The following NXN variants were observed in gnomAD, a reference collection of about 807,000 sequenced individuals.
The protein encoded by NXN is nucleoredoxin 1.
NXN carries 16 observed loss-of-function variants against 48.6 expected under a neutral mutation model. That is an observed-to-expected ratio of 0.33 (90% confidence interval 0.22 to 0.50). The LOEUF is 0.50. NXN is among the 20% of genes least tolerant of loss of function. The probability of loss-of-function intolerance (pLI) is 0.98; values close to 1 mark genes in which losing one functional copy is unlikely to be tolerated. For synonymous variants in NXN, 281 were observed against 269.6 expected (o/e 1.04, Z -0.41); for missense variants, 492 against 605.5 (o/e 0.81, Z 1.97).
At chr17:911,211 C>T (rs2068632460) in intron 1 of NXN, 2 of 151,970 alleles carry the variant, frequency 1.3e-5, no homozygotes, top group South Asian at 4.1e-4. Flanking sequence ...TCATGCCCTG[C>T]CCCTGCTTGG....
chr17:819,707 C>A (rs186408559), intron 4 of NXN, among the ~76,000 whole-genome samples, 162 bp from the exon 5 acceptor site: 8 of 152,280 alleles, frequency 5.3e-5, no homozygotes, highest in African/African-American at 1.7e-4. Context: ...TTATTCTACC[C>A]CGGCTGGTGT....
intron 5 of NXN, among the ~76,000 whole-genome samples, chr17:818,648 G>A (rs1486310331): frequency 6.6e-6 from 1 of 152,182 alleles, no homozygotes; most frequent in Non-Finnish European, 1.5e-5. Flanking sequence ...CACTTTGGGA[G>A]GTCGAGGCGG....
intron 1 of NXN, among the ~76,000 whole-genome samples, chr17:934,068 T>C (rs2068880323): frequency 6.6e-6 from 1 of 152,196 alleles, no homozygotes; most frequent in Non-Finnish European, 1.5e-5. Context: ...ACTTTATGAT[T>C]ATAAAAGTCA....
At chr17:819,573 G>A (rs763786368) in intron 4 of NXN, 28 bp from the exon 5 acceptor site, 6 of 1,498,948 alleles carry the variant, frequency 4.0e-6, no homozygotes, top group Non-Finnish European at 5.5e-6. Flanking sequence ...TGGCGGGCAA[G>A]GCTCAGTATC....
chr17:801,628 G>A lies in NXN; in HGVS notation c.1126-497C>T, dbSNP rs148991235. 3.1e-3 allele frequency among the ~76,000 whole-genome samples: 473 copies of A among 152,062 alleles called. 3 individuals carry two copies. Among genetic ancestry groups the A allele is most frequent in the African/African-American group, 0.011 (446 of 41,492 alleles). On this transcript the variant is annotated intron_variant, in intron 7 of 7. Coordinates refer to ENST00000336868, the MANE Select transcript of NXN (RefSeq NM_022463.5). ...CGGCTAATTTTTTACATTTTTAGTA[G>A]AGACGGGGTTTCACCATGTTGGTCA...
At chr17:807,134 C>T (rs369326795) in intron 5 of NXN, among the ~76,000 whole-genome samples, 9 of 152,296 alleles carry the variant, frequency 5.9e-5, no homozygotes, top group East Asian at 1.9e-4. Context: ...CCATGAGGCT[C>T]GGGGGCTGGT....
intron 1 of NXN, among the ~76,000 whole-genome samples, chr17:890,534 C>T (rs2068404889): frequency 7.1e-6 from 1 of 140,632 alleles, no homozygotes; most frequent in African/African-American, 2.7e-5. Context: ...ACCAGCACGC[C>T]CGGCTAATTT....
chr17:865,840 G>A (rs1365755368), intron 1 of NXN, among the ~76,000 whole-genome samples: 4 of 151,898 alleles, frequency 2.6e-5, no homozygotes, highest in South Asian at 2.1e-4. Flanking sequence ...AAAATTAGCC[G>A]AGCGTGGTAG....
chr17:952,907 G>A (rs1382609055), intron 1 of NXN, among the ~76,000 whole-genome samples: 1 of 152,130 alleles, frequency 6.6e-6, no homozygotes, highest in South Asian at 2.1e-4. Flanking sequence ...GAGGAATGAC[G>A]GCCAGCAGAG....
chr17:863,772 T>C, intron 1 of NXN: 2 of 626,796 alleles, frequency 3.2e-6, no homozygotes, highest in Non-Finnish European at 5.6e-6. Context: ...TGACACTGTA[T>C]TTTTGATTCA....
At chr17:809,186 G>A (rs922500040) in intron 5 of NXN, among the ~76,000 whole-genome samples, 8 of 152,154 alleles carry the variant, frequency 5.3e-5, no homozygotes, top group Admixed American at 1.3e-4. Context: ...TGGGGTTGGC[G>A]TGCTTTTGCT....
At position 895,691 on chromosome 17, in the gene NXN, A is replaced by G. The variant is rs187513997; in HGVS notation, c.361-69613T>C. Among the ~76,000 whole-genome samples the G allele has an allele frequency of 8.5e-3, 1,270 of 150,046 alleles. 7 individuals are homozygous for G. The highest frequency in any genetic ancestry group is 0.011 in the Non-Finnish European group (733 of 67,688). On this transcript the variant is annotated intron_variant, in intron 1 of 7. Coordinates refer to ENST00000336868, the MANE Select transcript of NXN (RefSeq NM_022463.5). ...AAATTAGCCAGGCGTGGTGGTGGGCACCTGTAGTCCCAGCTACTCGGGAGG... is the reference window on the plus strand; with the variant it reads ...AAATTAGCCAGGCGTGGTGGTGGGCGCCTGTAGTCCCAGCTACTCGGGAGG...
intron 6 of NXN, among the ~76,000 whole-genome samples, chr17:804,431 A>C (rs533482115): frequency 9.9e-5 from 15 of 152,120 alleles, no homozygotes; most frequent in African/African-American, 3.1e-4. Context: ...TACAGGCGTG[A>C]GCCACCACAC....
chr17:900,599 T>C (rs1944925746), intron 1 of NXN, among the ~76,000 whole-genome samples: 1 of 152,072 alleles, frequency 6.6e-6, no homozygotes, highest in Non-Finnish European at 1.5e-5. Context: ...ACAAGCAAAA[T>C]GAATCTGCCC....
chr17:804,931 C>T, intron 6 of NXN, 137 bp downstream of exon 6: 1 of 930,532 alleles, frequency 1.1e-6, no homozygotes. Context: ...AAAAGCAAGG[C>T]TTCAGGGAGA....
In NXN at chr17:979,641, A is replaced by T; in HGVS notation, c.38T>A (p.Leu13Gln). Residue 13 changes from leucine to glutamine, a missense_variant, in exon 1 of 8, where the codon CTG becomes CAG. Leu to Gln is a moderately radical substitution (Grantham distance 113). Transcript: ENST00000336868. ...CACCTCCTCGCCGCCGCCCGTCACC[A>T]GCTTCTCGCCGAGCAGCTCCTCCAG... ...GFLEELLGEKLVTGGGEEVDV... is the reference protein window; with the variant it reads ...GFLEELLGEKQVTGGGEEVDV... 6.8e-7 allele frequency: 1 copy of T among 1,471,046 alleles called. No individual in the cohort carries two copies. Among genetic ancestry groups the T allele is most frequent in the Non-Finnish European group, 9.0e-7 (1 of 1,111,202 alleles). The allele number at this position is 1,471,046 out of a possible 1,614,324, so 91.1% of individuals were successfully genotyped here.
chr17:897,940 C>T (rs982907592), intron 1 of NXN, among the ~76,000 whole-genome samples: 44 of 152,210 alleles, frequency 2.9e-4, no homozygotes, highest in Non-Finnish European at 5.9e-5. Flanking sequence ...CTCGGCCTCC[C>T]GAAGTGCTGG....
Position 884,043 on chromosome 17 carries a change from C to T in NXN, c.361-57965G>A, listed in dbSNP as rs186546346. ...ACCATCCTGGCTAACATGGTGAAACCCTGTCTCTACTAAAAAAAATACAAA... is the reference window on the plus strand; with the variant it reads ...ACCATCCTGGCTAACATGGTGAAACTCTGTCTCTACTAAAAAAAATACAAA... On this transcript the variant is annotated intron_variant, in intron 1 of 7. Transcript: ENST00000336868. 8.7e-4 allele frequency among the ~76,000 whole-genome samples: 132 copies of T among 152,092 alleles called. 1 individual carries two copies. Among genetic ancestry groups the T allele is most frequent in the Middle Eastern group, 6.8e-3 (2 of 294 alleles).
Position 847,594 on chromosome 17 carries a change from A to G in NXN, c.361-21516T>C, listed in dbSNP as rs532252479. On this transcript the variant is annotated intron_variant, in intron 1 of 7. Coordinates refer to ENST00000336868, the MANE Select transcript of NXN (RefSeq NM_022463.5). ...CCACTGCCACGGACCAGCCACGTCC[A>G]CAGCAAAAGGAATCGTGTCCGACAC... Among the ~76,000 whole-genome samples, 37 of 152,288 alleles carry G rather than the reference A, an allele frequency of 2.4e-4. No homozygotes were observed. In the East Asian group the frequency reaches 6.9e-3, roughly 29 times the overall value.
Sources: gnomAD v4.1 joint callset for allele counts (sites outside exome capture counted in the v4.1 genomes callset) on GRCh38, gnomAD v4.1.1 for gene constraint, MANE v1.5 for transcripts, NCBI Gene and HGNC (gene_info 2026-07-23, HGNC 2026-07-21) for gene names.